Variants in PRICKLE1 observed in about 807,000 individuals in gnomAD.
PRICKLE1 encodes prickle planar cell polarity protein 1.
PRICKLE1 carries 14 observed loss-of-function variants against 70.2 expected under a neutral mutation model. That is an observed-to-expected ratio of 0.20 (90% CI 0.13 to 0.31). The LOEUF (loss-of-function observed/expected upper bound fraction) is 0.31. Ranked by LOEUF, PRICKLE1 falls within the 10% of genes least tolerant of loss-of-function variation. PRICKLE1 has a pLI of 1.00. For synonymous variants in PRICKLE1, 357 were observed against 379.9 expected (o/e 0.94, Z 0.70); for missense variants, 821 against 1,026.2 (o/e 0.80, Z 2.73).
At chr12:42,574,783 CTGAATCATAAGTTT>C (rs2120768687) in intron 1 of PRICKLE1, among the ~76,000 whole-genome samples, 1 of 152,142 alleles carries the variant, frequency 6.6e-6, no homozygotes, top group African/African-American at 2.4e-5. Context: ...TTTTCTTCAA[CTGAATCATAAGTTT>C]TGTTGTTGCT....
At chr12:42,563,987 A>G (rs1372469847) in intron 1 of PRICKLE1, among the ~76,000 whole-genome samples, 1 of 151,810 alleles carries the variant, frequency 6.6e-6, no homozygotes, top group Non-Finnish European at 1.5e-5. Context: ...AGCCAAGTGC[A>G]GTGGTTCACG....
At chr12:42,551,882 C>T (rs577599123) in intron 1 of PRICKLE1, among the ~76,000 whole-genome samples, 2 of 152,216 alleles carry the variant, frequency 1.3e-5, no homozygotes, top group Admixed American at 6.5e-5. Context: ...AGCTGATCCA[C>T]ACCACCTCAA....
At chr12:42,499,451 T>C (rs2708065) in intron 1 of PRICKLE1, among the ~76,000 whole-genome samples, 26,076 of 151,430 alleles carry the variant, frequency 0.17, 2,969 homozygotes, top group African/African-American at 0.31. Context: ...TTTAGAGTCT[T>C]GCTCTGTTGC....
chr12:42,541,801 C>G (rs969489904), intron 1 of PRICKLE1, among the ~76,000 whole-genome samples: 3 of 152,206 alleles, frequency 2.0e-5, no homozygotes, highest in Non-Finnish European at 2.9e-5. Flanking sequence ...TTGTTCCCTA[C>G]ATTAGGCTGA....
intron 1 of PRICKLE1, among the ~76,000 whole-genome samples, chr12:42,563,283 C>A (rs1388104295): frequency 6.6e-5 from 10 of 152,028 alleles, no homozygotes; most frequent in Non-Finnish European, 1.5e-5. Context: ...AGCAAAATTC[C>A]AGCAGGACGA....
chr12:42,459,697 T>A lies in PRICKLE1; in HGVS notation c.*112A>T. On this transcript the variant is annotated 3_prime_UTR_variant, in exon 8 of 8. Transcript: ENST00000345127. Reference sequence around the variant, plus strand: ...AACAGCAGTTGAGTTCTCATTTACATGGGCAAAGAAAGCACTTTAAACTAT... The same window carrying A: ...AACAGCAGTTGAGTTCTCATTTACAAGGGCAAAGAAAGCACTTTAAACTAT... 2.4e-6 allele frequency: 3 copies of A among 1,259,560 alleles called. No homozygotes were observed. Among genetic ancestry groups the A allele is most frequent in the Non-Finnish European group, 2.3e-6 (2 of 871,656 alleles). 78.0% of individuals were successfully genotyped at this position (1,259,560 alleles called of 1,614,324 possible). A position where few individuals can be genotyped will look rare whatever the true frequency, so the allele number is the denominator to read the frequency against.
At chr12:42,551,035 A>C (rs1940305628) in intron 1 of PRICKLE1, among the ~76,000 whole-genome samples, 2 of 152,242 alleles carry the variant, frequency 1.3e-5, no homozygotes, top group African/African-American at 4.8e-5. Flanking sequence ...TGCCACAGTC[A>C]GCACAAAAAA....
At chr12:42,477,434 ATATATGTG>A (rs1366179347) in intron 1 of PRICKLE1, among the ~76,000 whole-genome samples, 1 of 112,170 alleles carries the variant, frequency 8.9e-6, no homozygotes, top group Non-Finnish European at 1.9e-5. Flanking sequence ...ATACATATGT[ATATATGTG>A]TATATATGTA....
At chr12:42,486,215 C>T (rs1938988186) in intron 1 of PRICKLE1, among the ~76,000 whole-genome samples, 1 of 152,214 alleles carries the variant, frequency 6.6e-6, no homozygotes, top group South Asian at 2.1e-4. Flanking sequence ...CACCCTCCCT[C>T]CATTTGCAAT....
chr12:42,474,275 AAAAAT>A (rs1185766922), intron 1 of PRICKLE1, among the ~76,000 whole-genome samples: 1 of 152,240 alleles, frequency 6.6e-6, no homozygotes, highest in Non-Finnish European at 1.5e-5. Flanking sequence ...CCGTCTCGAA[AAAAAT>A]AAAATAAAAT....
At chr12:42,473,856 T>C (rs973837307) in intron 1 of PRICKLE1, among the ~76,000 whole-genome samples, 1 of 152,130 alleles carries the variant, frequency 6.6e-6, no homozygotes, top group African/African-American at 2.4e-5. Context: ...AGTTCTCATT[T>C]GCTTAAACAA....
intron 1 of PRICKLE1, among the ~76,000 whole-genome samples, chr12:42,583,569 T>C (rs567294412): frequency 2.2e-4 from 34 of 152,370 alleles, no homozygotes; most frequent in African/African-American, 8.2e-4. Flanking sequence ...ACTTTGGATT[T>C]AGGCAGTCAC....
intron 1 of PRICKLE1, chr12:42,524,635 C>A (rs1939770422): frequency 6.6e-6 from 1 of 152,222 alleles, no homozygotes. Context: ...TGGTCTTGAA[C>A]TCCTGACCTC....
Position 42,519,252 on chromosome 12 carries a change from A to G in PRICKLE1, c.-48-46688T>C, listed in dbSNP as rs910773019. On this transcript the variant is annotated intron_variant, in intron 1 of 7. Transcript: ENST00000345127. Reference sequence around the variant, plus strand: ...GCTCTTGTCACCCAGTCTGGAGTGCAATGGCGCAATCTCTGCTCACTGCAA... The same window carrying G: ...GCTCTTGTCACCCAGTCTGGAGTGCGATGGCGCAATCTCTGCTCACTGCAA... 2.3e-5 allele frequency among the ~76,000 whole-genome samples: 3 copies of G among 127,810 alleles called. No individual in the cohort carries two copies. In the Admixed American group the frequency reaches 3.1e-4, roughly 13 times the overall value. 83.8% of individuals were successfully genotyped at this position (127,810 alleles called of 152,430 possible).
intron 1 of PRICKLE1, among the ~76,000 whole-genome samples, chr12:42,508,058 C>T (rs964347632): frequency 6.6e-6 from 1 of 151,656 alleles, no homozygotes; most frequent in Non-Finnish European, 1.5e-5. Flanking sequence ...ATTTCAATGG[C>T]GATTTAGATA....
At chr12:42,537,638 C>T (rs1456296401) in intron 1 of PRICKLE1, among the ~76,000 whole-genome samples, 1 of 152,142 alleles carries the variant, frequency 6.6e-6, no homozygotes, top group Non-Finnish European at 1.5e-5. Flanking sequence ...TACTGTGTAC[C>T]AGACAGTGAT....
intron 7 of PRICKLE1, among the ~76,000 whole-genome samples, chr12:42,462,094 G>A (rs769238041): frequency 2.0e-5 from 3 of 152,138 alleles, no homozygotes; most frequent in Non-Finnish European, 4.4e-5. Context: ...CACCGCGCCC[G>A]GCCCTATATA....
chr12:42,517,538 T>G lies in PRICKLE1; in HGVS notation c.-48-44974A>C, dbSNP rs1316804665. Among the ~76,000 whole-genome samples the G allele has an allele frequency of 2.6e-5, 4 of 152,162 alleles. No homozygotes were observed. The East Asian group carries it at 5.8e-4, about 22-fold the overall frequency. On this transcript the variant is annotated intron_variant, in intron 1 of 7. Coordinates refer to ENST00000345127, the MANE Select transcript of PRICKLE1 (RefSeq NM_153026.3). The stretch of plus-strand genomic sequence containing the variant: ...CGTGTTAGCCAGGATGGTCTTGATC[T>G]CCTGACCTCGTGATCCGCCCATCTT...
intron 1 of PRICKLE1, among the ~76,000 whole-genome samples, chr12:42,474,295 CTT>C (rs1055772413): frequency 7.9e-5 from 12 of 152,144 alleles, no homozygotes; most frequent in African/African-American, 2.7e-4. Flanking sequence ...TAAAATAAAA[CTT>C]GATTAAAATT....
Sources: gnomAD v4.1 joint callset for allele counts (sites outside exome capture counted in the v4.1 genomes callset) on GRCh38, gnomAD v4.1.1 for gene constraint, MANE v1.5 for transcripts, NCBI Gene and HGNC (gene_info 2026-07-23, HGNC 2026-07-21) for gene names.